The following FLT4 variants were observed in gnomAD, a reference collection of about 807,000 sequenced individuals.
FLT4 encodes the protein fms related receptor tyrosine kinase 4.
FLT4 carries 30 observed loss-of-function variants against 163.2 expected under a neutral mutation model. That is an observed-to-expected ratio of 0.18 (90% CI 0.14 to 0.25). The LOEUF (loss-of-function observed/expected upper bound fraction) is 0.25, where lower values mean the gene tolerates loss of function less well. FLT4 is among the 10% of genes least tolerant of loss of function. The pLI, the probability that FLT4 is intolerant of heterozygous loss-of-function variation, is 1.00. For missense variants in FLT4, 1,510 were observed against 1,863.8 expected, an observed-to-expected ratio of 0.81 and a Z score of 3.50; for synonymous variants, 884 against 789.5, an observed-to-expected ratio of 1.12 and a Z score of -2.01.
chr5:180,609,464 G>A (rs1762010301), intron 28 of FLT4: 1 of 373,726 alleles, frequency 2.7e-6, no homozygotes, highest in Non-Finnish European at 5.0e-6. Flanking sequence ...GCTTGGTGTG[G>A]TTTTTATTTT....
At chr5:180,613,738 C>T in intron 24 of FLT4, 2 of 429,536 alleles carry the variant, frequency 4.7e-6, no homozygotes, top group African/African-American at 2.0e-5. Context: ...TGAGTTCCCA[C>T]ATGGAGCTCT....
chr5:180,631,540 G>T, intron 2 of FLT4, 142 bp downstream of exon 2: 1 of 716,476 alleles, frequency 1.4e-6, no homozygotes, highest in Non-Finnish European at 2.5e-6. Flanking sequence ...GTCACCCACA[G>T]CCTGGGAGAC....
At chr5:180,629,219 G>C in intron 7 of FLT4, 40 bp downstream of exon 7, 1 of 1,610,606 alleles carries the variant, frequency 6.2e-7, no homozygotes, top group Non-Finnish European at 8.5e-7. Flanking sequence ...TCTGGGCCCA[G>C]GCCCACAGGG....
chr5:180,649,727 G>C (rs1765656219), upstream of FLT4: 2 of 186,514 alleles, frequency 1.1e-5, no homozygotes, highest in African/African-American at 2.4e-5. Context: ...CGGGGCGTCC[G>C]GTGCACCCGA....
At chr5:180,631,047 G>A (rs975001254) in intron 2 of FLT4, among the ~76,000 whole-genome samples, 1 of 145,678 alleles carries the variant, frequency 6.9e-6, no homozygotes, top group African/African-American at 2.6e-5. Context: ...AAGGTGGGGA[G>A]GTACCCATCT....
chr5:180,605,232 T>C (rs1761725762), intron 29 of FLT4, among the ~76,000 whole-genome samples: 1 of 152,258 alleles, frequency 6.6e-6, no homozygotes, highest in South Asian at 2.1e-4. Flanking sequence ...CCCAGTGTGC[T>C]GTGATTACAG....
At chr5:180,647,380 T>G (rs550590714) in intron 1 of FLT4, among the ~76,000 whole-genome samples, 3 of 151,996 alleles carry the variant, frequency 2.0e-5, no homozygotes, top group African/African-American at 7.2e-5. Flanking sequence ...GCTTGTGCCA[T>G]GGCTATGCTT....
Position 180,609,014 on chromosome 5 carries a change from C to A in FLT4, c.3847G>T (p.Glu1283Ter). The A allele has an allele frequency of 6.2e-7, 1 of 1,614,238 alleles. No homozygotes were observed. The highest frequency in any genetic ancestry group is 8.5e-7 in the Non-Finnish European group (1 of 1,180,036). The stretch of plus-strand genomic sequence containing the variant: ...TGCCTGCTCTCTATCTGCTCAAACT[C>A]CTCCGAGGCCAGCACCATCCCACTG... ...TDSGMVLASE[E>*]FEQIESRHRQ... The change falls in exon 29 of 30, where the codon GAG becomes TAG. Residue 1283 changes from glutamate to a stop codon, truncating the protein, a stop_gained. Coordinates refer to ENST00000261937, the MANE Select transcript of FLT4 (RefSeq NM_182925.5). LOFTEE classifies it low-confidence loss of function (END_TRUNC).
At chr5:180,641,349 C>T (rs1429803370) in intron 1 of FLT4, among the ~76,000 whole-genome samples, 1 of 152,246 alleles carries the variant, frequency 6.6e-6, no homozygotes, top group East Asian at 1.9e-4. Flanking sequence ...CTTGGGGCCC[C>T]TCCACATTGG....
upstream of FLT4, among the ~76,000 whole-genome samples, chr5:180,650,081 G>C (rs568075874): frequency 6.9e-4 from 105 of 151,482 alleles, no homozygotes; most frequent in Admixed American, 2.5e-3. Context: ...CAGCTTCTCG[G>C]GGGGGCTGAG....
At chr5:180,612,955 C>T (rs1242299402) in intron 25 of FLT4, 56 bp downstream of exon 25, 9 of 1,378,606 alleles carry the variant, frequency 6.5e-6, no homozygotes, top group Non-Finnish European at 8.1e-6. Flanking sequence ...GGACACAACC[C>T]CCACGCCCCC....
At chr5:180,616,238 A>G (rs1762679192) in intron 23 of FLT4, 129 bp downstream of exon 23, 2 of 1,330,680 alleles carry the variant, frequency 1.5e-6, no homozygotes, top group South Asian at 1.2e-5. Context: ...GCAGCTGGGC[A>G]CATGGCTGGC....
chr5:180,627,336 T>C (rs998025620), intron 8 of FLT4, among the ~76,000 whole-genome samples: 1 of 151,466 alleles, frequency 6.6e-6, no homozygotes, highest in Non-Finnish European at 1.5e-5. Flanking sequence ...GGTCGCAGAG[T>C]GAGGCAGGGC....
At chr5:180,632,934 G>A (rs781492583) in intron 1 of FLT4, among the ~76,000 whole-genome samples, 8 of 151,992 alleles carry the variant, frequency 5.3e-5, no homozygotes, top group African/African-American at 7.3e-5. Flanking sequence ...CCAGGGCTGC[G>A]TCCTGTCCCT....
chr5:180,616,802 A>T, intron 22 of FLT4, 98 bp downstream of exon 22: 2 of 980,548 alleles, frequency 2.0e-6, no homozygotes, highest in Non-Finnish European at 3.3e-6. Context: ...CTGATGGACC[A>T]CAGAGCCATT....
intron 27 of FLT4, 138 bp from the exon 28 acceptor site, chr5:180,610,163 G>T: frequency 1.6e-6 from 2 of 1,233,856 alleles, no homozygotes; most frequent in Non-Finnish European, 2.3e-6. Context: ...GCCTGGGCCT[G>T]AGTGCTGGCA....
Position 180,630,559 on chromosome 5 carries a change from C to A in FLT4, c.396G>T (p.Val132=), listed in dbSNP as rs774487268. 6.2e-7 allele frequency: 1 copy of A among 1,612,950 alleles called. No individual in the cohort carries two copies. Among genetic ancestry groups the A allele is most frequent in the Admixed American group, 1.7e-5 (1 of 60,022 alleles). Residue 132 remains valine (V), a synonymous_variant, in exon 3 of 30, where the codon GTG becomes GTT. Coordinates refer to ENST00000261937, the MANE Select transcript of FLT4 (RefSeq NM_182925.5). This position sits in a 1 kb window ranked among gnomAD's most constrained non-coding sequence, Gnocchi z 6.3. The stretch of plus-strand genomic sequence containing the variant: ...TGGCCCGCCTCCAAGTCTCACCTCT[C>A]ACGAACACGTAGGAGCTGGCGGCCG... The part of the protein sequence containing the change: ...GTTAASSYVF[V]RDFEQPFINK...
chr5:180,629,046 G>T, intron 7 of FLT4, 47 bp from the exon 8 acceptor site: 1 of 1,532,682 alleles, frequency 6.5e-7, no homozygotes, highest in Non-Finnish European at 9.0e-7. Flanking sequence ...GACCCGTCGT[G>T]GACTGACCAG....
At chr5:180,637,768 G>A (rs942582760) in intron 1 of FLT4, among the ~76,000 whole-genome samples, 9 of 152,198 alleles carry the variant, frequency 5.9e-5, no homozygotes, top group African/African-American at 2.2e-4. Context: ...GACCTCAGGT[G>A]ATCCACCTGC....
Sources: gnomAD v4.1 joint callset for allele counts (sites outside exome capture counted in the v4.1 genomes callset) on GRCh38, gnomAD v4.1.1 for gene constraint, Gnocchi (gnomAD v3.1) non-coding constraint, MANE v1.5 for transcripts, NCBI Gene and HGNC (gene_info 2026-07-23, HGNC 2026-07-21) for gene names.